The following PCDH7 variants were observed in gnomAD, a reference collection of about 807,000 sequenced individuals.
PCDH7 encodes the protein protocadherin 7.
A neutral mutation model predicts 58.9 loss-of-function variants in PCDH7; 17 were observed. The ratio of observed to expected loss-of-function variants is 0.29; its 90% CI spans 0.20 to 0.43. The LOEUF is 0.43. Ranked by LOEUF, PCDH7 falls within the 20% of genes least tolerant of loss-of-function variation. The probability of loss-of-function intolerance (pLI) is 1.00; values close to 1 mark genes in which losing one functional copy is unlikely to be tolerated. For missense variants in PCDH7, 1,274 were observed against 1,441.0 expected, an observed-to-expected ratio of 0.88 and a Z score of 1.88; for synonymous variants, 664 against 616.4, an observed-to-expected ratio of 1.08 and a Z score of -1.14.
intron 3 of PCDH7, among the ~76,000 whole-genome samples, chr4:30,962,791 A>AC (rs1748584144): frequency 6.6e-6 from 1 of 150,688 alleles, no homozygotes; most frequent in Non-Finnish European, 1.5e-5. Flanking sequence ...AAAAAAAAAA[A>AC]AAAAAAAAAA....
intron 1 of PCDH7, among the ~76,000 whole-genome samples, chr4:30,911,331 CA>C (rs1408022922): frequency 3.2e-4 from 30 of 94,074 alleles, no homozygotes; most frequent in African/African-American, 1.2e-3. Flanking sequence ...CCCCCCCCCC[CA>C]AAAAAAAGAA....
At chr4:30,935,043 A>G (rs1745167731) in intron 2 of PCDH7, among the ~76,000 whole-genome samples, 3 of 152,132 alleles carry the variant, frequency 2.0e-5, no homozygotes, top group African/African-American at 7.2e-5. Context: ...GTATTACTGA[A>G]GTATTACTTT....
intron 1 of PCDH7, among the ~76,000 whole-genome samples, chr4:30,901,383 G>T (rs974112829): frequency 1.3e-5 from 2 of 152,100 alleles, no homozygotes; most frequent in African/African-American, 2.4e-5. Context: ...AGCAGCCAAG[G>T]CAGATTAAAA....
intron 3 of PCDH7, among the ~76,000 whole-genome samples, chr4:30,979,176 A>G (rs563977783): frequency 1.3e-5 from 2 of 151,974 alleles, no homozygotes; most frequent in Admixed American, 1.3e-4. Context: ...AATATAAAAA[A>G]TCAGCTGGGC....
At chr4:30,785,828 T>A (rs1238294230) in intron 1 of PCDH7, among the ~76,000 whole-genome samples, 1 of 152,064 alleles carries the variant, frequency 6.6e-6, no homozygotes, top group Admixed American at 6.6e-5. Flanking sequence ...CTTTGGGCAG[T>A]GAAATGTACC....
At chr4:30,944,282 ATTC>A (rs1469984986) in intron 2 of PCDH7, among the ~76,000 whole-genome samples, 2 of 152,094 alleles carry the variant, frequency 1.3e-5, no homozygotes, top group African/African-American at 2.4e-5. Context: ...AAATAATGTC[ATTC>A]TTCTCACTTT....
At chr4:30,969,155 G>A (rs1327456003) in intron 3 of PCDH7, among the ~76,000 whole-genome samples, 1 of 152,094 alleles carries the variant, frequency 6.6e-6, no homozygotes, top group African/African-American at 2.4e-5. Flanking sequence ...AGACTTACTG[G>A]TTATTTGCAG....
At chr4:31,130,040 C>A (rs887244583) in intron 3 of PCDH7, among the ~76,000 whole-genome samples, 1 of 152,054 alleles carries the variant, frequency 6.6e-6, no homozygotes, top group African/African-American at 2.4e-5. Flanking sequence ...TCAGAAATCA[C>A]AAAAATGCCA....
At chr4:30,797,945 G>A (rs1029861681) in intron 1 of PCDH7, among the ~76,000 whole-genome samples, 1 of 152,110 alleles carries the variant, frequency 6.6e-6, no homozygotes, top group East Asian at 1.9e-4. Context: ...CACGAATCAC[G>A]TGAATCTGTA....
In PCDH7 at chr4:30,722,107, T is replaced by G. The variant is rs1225305894; in HGVS notation, c.685T>G (p.Ser229Ala). 17 of 1,415,782 alleles carry G rather than the reference T, an allele frequency of 1.2e-5. No homozygotes were observed. The East Asian group carries it at 3.8e-4, about 31-fold the overall frequency. The allele number at this position is 1,415,782 out of a possible 1,614,324, so 87.7% of individuals were successfully genotyped here. Reference sequence around the variant, plus strand: ...AGGCTCCAAGCGGCGGCTGGACGCATCAGAGGGCGGCGGCGGCACCAACCC... The same window carrying G: ...AGGCTCCAAGCGGCGGCTGGACGCAGCAGAGGGCGGCGGCGGCACCAACCC... The change falls in exon 1 of 2, where the codon TCA (serine) becomes GCA (alanine). Residue 229 changes from serine (S) to alanine (A), a missense_variant. Physicochemically the swap from Ser to Ala is moderately conservative, Grantham distance 99 (BLOSUM62 1). This residue lies in a region of PCDH7 where 331 missense variants were observed against 303.2 expected (regional missense o/e 1.09). Transcript: ENST00000361762. This position sits in a 1 kb window ranked among gnomAD's most constrained non-coding sequence, Gnocchi z 7.6.
intron 3 of PCDH7, among the ~76,000 whole-genome samples, chr4:30,988,805 G>T (rs1410923491): frequency 3.3e-5 from 5 of 152,118 alleles, no homozygotes; most frequent in Non-Finnish European, 7.4e-5. Context: ...AATGAAACTG[G>T]GAATGGAAGA....
chr4:30,915,387 A>G (rs1292601118), intron 1 of PCDH7, among the ~76,000 whole-genome samples: 1 of 152,156 alleles, frequency 6.6e-6, no homozygotes, highest in Non-Finnish European at 1.5e-5. Flanking sequence ...GATAAATCCA[A>G]TGGGCATGTG....
downstream of PCDH7, chr4:31,144,994 A>G: frequency 6.6e-6 from 1 of 151,740 alleles, no homozygotes; most frequent in Non-Finnish European, 1.5e-5. Flanking sequence ...ATGTATACAC[A>G]TTTTTTCTTG....
chr4:30,790,547 G>A (rs1431216435), intron 1 of PCDH7, among the ~76,000 whole-genome samples: 3 of 152,194 alleles, frequency 2.0e-5, no homozygotes, highest in Non-Finnish European at 4.4e-5. Context: ...CATTACTTAA[G>A]ATGGGAAAGG....
At chr4:31,069,641 AG>A (rs770714577) in intron 3 of PCDH7, among the ~76,000 whole-genome samples, 7 of 152,030 alleles carry the variant, frequency 4.6e-5, no homozygotes, top group Non-Finnish European at 8.8e-5. Flanking sequence ...TGATGATAAA[AG>A]TTTGATGGAA....
chr4:30,856,773 GCAAA>G (rs1560440090), intron 1 of PCDH7, among the ~76,000 whole-genome samples: 1 of 150,618 alleles, frequency 6.6e-6, no homozygotes, highest in Admixed American at 6.6e-5. Flanking sequence ...AAATAAGATT[GCAAA>G]CAGAGGTGTA....
intron 1 of PCDH7, among the ~76,000 whole-genome samples, chr4:30,839,084 A>G (rs1244601974): frequency 6.6e-6 from 1 of 151,892 alleles, no homozygotes; most frequent in Non-Finnish European, 1.5e-5. Flanking sequence ...ATTAATAATT[A>G]TTAAATATAC....
chr4:30,745,319 C>CTT (rs147741615), intron 1 of PCDH7, among the ~76,000 whole-genome samples: 1 of 148,510 alleles, frequency 6.7e-6, no homozygotes, highest in African/African-American at 2.5e-5. Flanking sequence ...ATTATAATGA[C>CTT]TTTTTTTCTT....
chr4:30,831,375 C>T (rs1445876200), intron 1 of PCDH7, among the ~76,000 whole-genome samples: 1 of 152,106 alleles, frequency 6.6e-6, no homozygotes, highest in Non-Finnish European at 1.5e-5. Context: ...TAGTCTTGGC[C>T]TTTACTAGCT....
Sources: allele counts gnomAD v4.1 joint callset (sites outside exome capture counted in the v4.1 genomes callset), GRCh38; gene constraint gnomAD v4.1.1; regional missense constraint gnomAD v4.1.1; non-coding constraint Gnocchi (gnomAD v3.1); transcripts MANE v1.5; gene names NCBI Gene and HGNC (gene_info 2026-07-23, HGNC 2026-07-21).